Variants in CAMKK1 observed in about 807,000 individuals in gnomAD.
CAMKK1 encodes the protein calcium/calmodulin dependent protein kinase kinase 1.
A neutral mutation model predicts 63.5 loss-of-function variants in CAMKK1; 20 were observed. The observed-to-expected ratio is 0.32, with a 90% CI of 0.22 to 0.46. The LOEUF is 0.46. Among genes scored for constraint, CAMKK1 ranks in the 20% least tolerant of loss-of-function variants. The pLI, the probability that CAMKK1 is intolerant of heterozygous loss-of-function variation, is 1.00. For missense variants in CAMKK1, 588 were observed against 658.1 expected, an observed-to-expected ratio of 0.89 and a Z score of 1.17; for synonymous variants, 253 against 269.0, an observed-to-expected ratio of 0.94 and a Z score of 0.58.
chr17:3,872,486 A>G, intron 12 of CAMKK1, 68 bp downstream of exon 12: 1 of 1,386,834 alleles, frequency 7.2e-7, no homozygotes, highest in Non-Finnish European at 1.0e-6. Flanking sequence ...AGAGGGCAAA[A>G]GCTCTGCTAA....
chr17:3,864,656 C>A lies in CAMKK1; in HGVS notation c.1445+1252G>T, dbSNP rs988969880. ...CCTACACTAAGCACAATTCCAGCAT[C>A]AGGGGCCTACATTCCTGGATGAGCT... On this transcript the variant is annotated intron_variant, in intron 15 of 15. Transcript: ENST00000348335. 4.6e-5 allele frequency among the ~76,000 whole-genome samples: 7 copies of A among 152,278 alleles called. No homozygotes were observed. The East Asian group carries it at 1.4e-3, about 29-fold the overall frequency.
At position 3,868,125 on chromosome 17, in the gene CAMKK1, G is replaced by A. The variant is rs765285945; in HGVS notation, c.1341+1362C>T. On this transcript the variant is annotated intron_variant, in intron 14 of 15. Coordinates refer to ENST00000348335, the MANE Select transcript of CAMKK1 (RefSeq NM_032294.3). ...GAAGCAGGCGCCGTCTAACTGATAC[G>A]TGGGCTCTGGGGGAGAAGCAGGCGC... is the stretch of plus-strand genomic sequence containing the variant. Among the ~76,000 whole-genome samples, 132 of 58,004 alleles carry A rather than the reference G, an allele frequency of 2.3e-3. 18 individuals carry two copies. The highest frequency in any genetic ancestry group is 8.6e-3 in the Middle Eastern group (1 of 116). The allele number at this position is 58,004 out of a possible 152,430, so 38.1% of individuals were successfully genotyped here.
chr17:3,871,459 G>A (rs747657984), intron 12 of CAMKK1, among the ~76,000 whole-genome samples: 86 of 142,292 alleles, frequency 6.0e-4, no homozygotes, highest in East Asian at 1.3e-3. Context: ...GGTTCACGCC[G>A]TTCTCCTGCC....
At position 3,865,742 on chromosome 17, in the gene CAMKK1, C is replaced by T. The variant is rs2054492458; in HGVS notation, c.1445+166G>A. 6 of 1,443,978 alleles carry T rather than the reference C, an allele frequency of 4.2e-6. No individual in the cohort carries two copies. The African/African-American group carries it at 4.3e-5, about 10-fold the overall frequency. The allele number at this position is 1,443,978 out of a possible 1,614,324, so 89.4% of individuals were successfully genotyped here. ...GGGCCCAAAAGGTCCCTTCTAGCCC[C>T]GACTAACCTTGGGGACAGAGATGCA... is the stretch of plus-strand genomic sequence containing the variant. On this transcript the variant is annotated intron_variant, in intron 15 of 15. Transcript: ENST00000348335.
chr17:3,876,072 T>A (rs767547427), intron 10 of CAMKK1, 151 bp downstream of exon 10: 80 of 716,468 alleles, frequency 1.1e-4, no homozygotes, highest in Non-Finnish European at 1.7e-4. Flanking sequence ...AAGGCCAAAG[T>A]TGTGGAGTTT....
rs2054506314 is a variant in CAMKK1 at position 3,866,026 on chromosome 17, G to A, written c.1342-15C>T. On this transcript the variant is annotated splice_polypyrimidine_tract_variant and intron_variant, in intron 14 of 15. Transcript: ENST00000348335. ...TTCACCAGGATCTGAGGAGGACAAG[G>A]CAGCGTGAGGAGCACAGGTCCCAGG... 5 of 1,612,862 alleles carry A rather than the reference G, an allele frequency of 3.1e-6. No homozygotes were observed. In the East Asian group the frequency reaches 8.9e-5, roughly 29 times the overall value.
rs2055560227 is a variant in CAMKK1 at position 3,884,539 on chromosome 17, C to T, written c.361-112G>A. On this transcript the variant is annotated intron_variant, in intron 2 of 15. Transcript: ENST00000348335. The surrounding 1 kb of genome is among the most constrained non-coding windows in gnomAD (Gnocchi z 4.5). ...GCCATAAGCTCCTCATTCCCGGACCCCCAGGTCTCACCAAGCTTTTGAGTT... is the reference window on the plus strand; with the variant it reads ...GCCATAAGCTCCTCATTCCCGGACCTCCAGGTCTCACCAAGCTTTTGAGTT... The T allele has an allele frequency of 1.0e-6, 1 of 966,252 alleles. No individual in the cohort carries two copies. The highest frequency in any genetic ancestry group is 1.5e-6 in the Non-Finnish European group (1 of 652,398). 59.9% of individuals were successfully genotyped at this position (966,252 alleles called of 1,614,324 possible).
intron 1 of CAMKK1, among the ~76,000 whole-genome samples, chr17:3,891,267 A>G (rs1387806739): frequency 6.6e-6 from 1 of 152,178 alleles, no homozygotes; most frequent in Non-Finnish European, 1.5e-5. Context: ...GCTCTCATAC[A>G]GTTTAATTTC....
Position 3,880,372 on chromosome 17 carries a change from C to G in CAMKK1, c.770G>C (p.Arg257Pro), listed in dbSNP as rs1466440534. The change falls in exon 9 of 16, where the codon CGG becomes CCG. Residue 257 changes from arginine to proline, a missense_variant. Coordinates refer to ENST00000348335, the MANE Select transcript of CAMKK1 (RefSeq NM_032294.3). The stretch of plus-strand genomic sequence containing the variant: ...GTACTCGAGGCCCAGGATGACGTCC[C>G]GCAGGTAGAGGCGAGCTTGCTCCTC... ...FSEEQARLYL[R>P]DVILGLEYLH... The G allele has an allele frequency of 6.2e-7, 1 of 1,613,886 alleles. No individual in the cohort carries two copies. The highest frequency in any genetic ancestry group is 8.5e-7 in the Non-Finnish European group (1 of 1,180,018).
At chr17:3,865,587 A>C in intron 15 of CAMKK1, 1 of 1,159,122 alleles carries the variant, frequency 8.6e-7, no homozygotes, top group Non-Finnish European at 1.1e-6. Flanking sequence ...GAGGGGCTGG[A>C]CCCAGTGAGA....
Position 3,865,938 on chromosome 17 carries a change from C to G in CAMKK1, c.1415G>C (p.Arg472Pro). Residue 472 changes from arginine (R) to proline (P), a missense_variant, in exon 15 of 16, where the codon CGA (arginine) becomes CCA (proline). Physicochemically the swap from Arg to Pro is moderately radical, Grantham distance 103. This residue lies in a region of CAMKK1 where 226 missense variants were observed against 229.2 expected (regional missense o/e 0.99). Transcript: ENST00000348335. ...TAGGTTTCCTGGAGCAGACATGGAT[C>G]GCTCTTCCCTCCGTGCTTGGGGCTC... ...PFEPQARREERSMSAPGNLLV... is the reference protein window; with the variant it reads ...PFEPQARREEPSMSAPGNLLV... 1 of 1,614,202 alleles carries G rather than the reference C, an allele frequency of 6.2e-7. No homozygotes were observed. The highest frequency in any genetic ancestry group is 2.2e-5 in the East Asian group (1 of 44,888).
At chr17:3,871,603 T>A (rs553766820) in intron 12 of CAMKK1, among the ~76,000 whole-genome samples, 38 of 149,640 alleles carry the variant, frequency 2.5e-4, no homozygotes, top group Admixed American at 9.9e-4. Context: ...TGATCCGCCC[T>A]CCTTGGCCTC....
intron 15 of CAMKK1, among the ~76,000 whole-genome samples, chr17:3,864,270 G>A (rs971868965): frequency 7.4e-5 from 11 of 148,278 alleles, no homozygotes; most frequent in African/African-American, 1.7e-4. Context: ...TTTTTGAGAC[G>A]GAGTCTCACT....
chr17:3,868,767 C>G (rs1277237180), intron 14 of CAMKK1, among the ~76,000 whole-genome samples: 1 of 151,940 alleles, frequency 6.6e-6, no homozygotes, highest in African/African-American at 2.4e-5. Flanking sequence ...ATTCTCCTGC[C>G]TCGGCCTCCC....
rs1286545124 is a variant in CAMKK1, at chr17:3,885,481, T to C, written c.207A>G (p.Ser69=). The part of the protein sequence containing the change: ...SRLLPARPSL[S]ARKLSLQERP... ...GCTCCTGTAGGGAAAGCTTCCTGGC[T>C]GAGAGGCTAGGCCGGGCTGGGAGCA... Residue 69 remains serine, a synonymous_variant, in exon 2 of 16, where the codon TCA becomes TCG. Coordinates refer to ENST00000348335, the MANE Select transcript of CAMKK1 (RefSeq NM_032294.3). 6.2e-7 allele frequency: 1 copy of C among 1,613,612 alleles called. No homozygotes were observed. The highest frequency in any genetic ancestry group is 1.1e-5 in the South Asian group (1 of 91,054).
At chr17:3,880,227 A>G (rs1158824659) in intron 9 of CAMKK1, 119 bp downstream of exon 9, 3 of 844,230 alleles carry the variant, frequency 3.6e-6, no homozygotes, top group Non-Finnish European at 5.7e-6. Context: ...CTCCCACTGA[A>G]GCTGATTGGC....
At chr17:3,875,109 G>A (rs1335916952) in intron 10 of CAMKK1, among the ~76,000 whole-genome samples, 2 of 151,958 alleles carry the variant, frequency 1.3e-5, no homozygotes, top group African/African-American at 2.4e-5. Flanking sequence ...GCGACAGAGC[G>A]AGACTCCGGC....
At chr17:3,869,050 A>G (rs1362215441) in intron 14 of CAMKK1, among the ~76,000 whole-genome samples, 17 of 127,376 alleles carry the variant, frequency 1.3e-4, no homozygotes, top group South Asian at 5.1e-4. Flanking sequence ...CTCACGGCAA[A>G]CTCCACCTCC....
In CAMKK1 at chr17:3,892,648, A is replaced by C. The variant is rs2055945635; in HGVS notation, c.-44+291T>G. Among the ~76,000 whole-genome samples, 1 of 152,036 alleles carries C rather than the reference A, an allele frequency of 6.6e-6. No homozygotes were observed. Among genetic ancestry groups the C allele is most frequent in the Non-Finnish European group, 1.5e-5 (1 of 67,982 alleles). ...AGGAGCCGGGCGCGGGGGACAGTGC[A>C]CCGGGGATGGATGCGGTCCGCAGAC... On this transcript the variant is annotated intron_variant, in intron 1 of 15. Coordinates refer to ENST00000348335, the MANE Select transcript of CAMKK1 (RefSeq NM_032294.3). The surrounding 1 kb of genome is among the most constrained non-coding windows in gnomAD (Gnocchi z 7.5).
Sources: allele counts gnomAD v4.1 joint callset (sites outside exome capture counted in the v4.1 genomes callset), GRCh38; gene constraint gnomAD v4.1.1; regional missense constraint gnomAD v4.1.1; non-coding constraint Gnocchi (gnomAD v3.1); transcripts MANE v1.5; gene names NCBI Gene and HGNC (gene_info 2026-07-23, HGNC 2026-07-21).